Variants in FAT3 observed in about 807,000 individuals in gnomAD.
The protein encoded by FAT3 is protocadherin Fat 3.
Under a neutral mutation model 310.2 loss-of-function variants are expected in FAT3, and 95 were observed. That is an observed-to-expected ratio of 0.31 (90% CI 0.26 to 0.36). The LOEUF is 0.36. Ranked by LOEUF, FAT3 falls within the 10% of genes least tolerant of loss-of-function variation. The probability of loss-of-function intolerance (pLI) is 1.00; values close to 1 mark genes in which losing one functional copy is unlikely to be tolerated. For synonymous variants in FAT3, 2,314 were observed against 2,192.9 expected, an observed-to-expected ratio of 1.06 and a Z score of -1.54; for missense variants, 5,408 against 5,715.6, an observed-to-expected ratio of 0.95 and a Z score of 1.74.
In FAT3 at chr11:92,355,382, G is replaced by A. The variant is rs780292970; in HGVS notation, c.3270G>A (p.Arg1090=). ...TCAGGGATGGCAGTGGTCTTGGAAG[G>A]TTCAGTATAGACGACGAGAGTGGTA... ...YSIRDGSGLG[R]FSIDDESGVI... The change falls in exon 2 of 28, where the codon AGG becomes AGA. Residue 1090 remains arginine, a synonymous_variant. Coordinates refer to ENST00000525166, the MANE Select transcript of FAT3 (RefSeq NM_001367949.2). 19 of 1,612,230 alleles carry A rather than the reference G, an allele frequency of 1.2e-5. 1 individual carries two copies. In the South Asian group the frequency reaches 2.1e-4, roughly 18 times the overall value.
In FAT3 at chr11:92,790,145, C is replaced by T; in HGVS notation, c.4538C>T (p.Pro1513Leu). 1 of 1,613,786 alleles carries T rather than the reference C, an allele frequency of 6.2e-7. No homozygotes were observed. The highest frequency in any genetic ancestry group is 8.5e-7 in the Non-Finnish European group (1 of 1,179,722). ...AGCATGAGAAAATTCCGGATTGACC[C>T]TAGCACTGGCGTGCTCTATACTGCC... ...SISMRKFRID[P>L]STGVLYTAER... Residue 1513 changes from proline (P) to leucine (L), a missense_variant, in exon 8 of 28, where the codon CCT (proline) becomes CTT (leucine). By Grantham distance (98) the Pro-to-Leu change is moderately conservative. Around this residue, in one of 5 missense-constraint regions of FAT3, gnomAD observed 4,588 missense variants for 4,809.8 expected, o/e 0.95. Transcript: ENST00000525166.
chr11:92,740,565 A>T (rs1359285183), intron 4 of FAT3, among the ~76,000 whole-genome samples: 1 of 152,160 alleles, frequency 6.6e-6, no homozygotes, highest in African/African-American at 2.4e-5. Context: ...CTGGGAGTGG[A>T]GTGGAAGTTT....
At chr11:92,268,731 A>G (rs1001728111) in intron 1 of FAT3, among the ~76,000 whole-genome samples, 1 of 152,152 alleles carries the variant, frequency 6.6e-6, no homozygotes, top group Non-Finnish European at 1.5e-5. Context: ...GCATTCATGG[A>G]GATTGACTAA....
chr11:92,611,039 C>T (rs1055499876), intron 3 of FAT3, among the ~76,000 whole-genome samples: 1 of 152,100 alleles, frequency 6.6e-6, no homozygotes, highest in African/African-American at 2.4e-5. Flanking sequence ...TTTATTGTCT[C>T]TGATCTTCAA....
chr11:92,537,483 A>C (rs1054370641), intron 3 of FAT3, among the ~76,000 whole-genome samples: 6 of 152,126 alleles, frequency 3.9e-5, no homozygotes, highest in African/African-American at 1.4e-4. Context: ...ACTGACCCCC[A>C]GTCTTTCCCT....
intron 2 of FAT3, among the ~76,000 whole-genome samples, chr11:92,374,232 G>T (rs561541792): frequency 6.6e-6 from 1 of 152,222 alleles, no homozygotes; most frequent in Admixed American, 6.5e-5. Context: ...ACCTATCTGG[G>T]TATCTCTTAA....
At chr11:92,610,895 C>A (rs1307081683) in intron 3 of FAT3, among the ~76,000 whole-genome samples, 1 of 152,084 alleles carries the variant, frequency 6.6e-6, no homozygotes, top group African/African-American at 2.4e-5. Context: ...TCTGCCTCCT[C>A]CCTGTGAGAT....
intron 19 of FAT3, 99 bp from the exon 20 acceptor site, chr11:92,857,115 G>T: frequency 6.4e-7 from 1 of 1,568,054 alleles, no homozygotes. Context: ...CCCAGCTCTT[G>T]AGCCATTTGT....
At position 92,801,790 on chromosome 11, in the gene FAT3, A is replaced by C. The variant is rs762429677; in HGVS notation, c.8777A>C (p.Gln2926Pro). ...DINDNAPVFA[Q>P]EVYRGNVKES... ...AATGACAATGCACCAGTCTTCGCGCAGGAAGTGTACCGAGGGAATGTGAAG... is the reference window on the plus strand; with the variant it reads ...AATGACAATGCACCAGTCTTCGCGCCGGAAGTGTACCGAGGGAATGTGAAG... Residue 2926 changes from glutamine (Q) to proline (P), a missense_variant, in exon 10 of 28, where the codon CAG becomes CCG. Coordinates refer to ENST00000525166, the MANE Select transcript of FAT3 (RefSeq NM_001367949.2). 3.1e-6 allele frequency: 5 copies of C among 1,613,810 alleles called. No individual in the cohort carries two copies. Among genetic ancestry groups the C allele is most frequent in the Non-Finnish European group, 4.2e-6 (5 of 1,179,860 alleles).
intron 7 of FAT3, among the ~76,000 whole-genome samples, chr11:92,775,688 A>T (rs1178392383): frequency 6.6e-6 from 1 of 152,212 alleles, no homozygotes; most frequent in Non-Finnish European, 1.5e-5. Flanking sequence ...TGATCAGCAA[A>T]ATGAAATGCA....
At chr11:92,374,030 G>GGA (rs58680206) in intron 2 of FAT3, among the ~76,000 whole-genome samples, 30,655 of 142,036 alleles carry the variant, frequency 0.22, 3,297 homozygotes, top group East Asian at 0.39. Context: ...ACAGAGAGAG[G>GGA]GAGAGAGAGA....
chr11:92,675,345 A>G (rs762983961), intron 3 of FAT3, among the ~76,000 whole-genome samples: 2 of 152,234 alleles, frequency 1.3e-5, no homozygotes, highest in East Asian at 1.9e-4. Context: ...ACTTCACAGT[A>G]TAGGAGAAGG....
At chr11:92,564,578 A>G (rs1955360531) in intron 3 of FAT3, among the ~76,000 whole-genome samples, 2 of 152,088 alleles carry the variant, frequency 1.3e-5, no homozygotes, top group Non-Finnish European at 2.9e-5. Context: ...AATCAACAGA[A>G]TATACATTTT....
At chr11:92,570,166 T>C (rs943475715) in intron 3 of FAT3, among the ~76,000 whole-genome samples, 4 of 152,142 alleles carry the variant, frequency 2.6e-5, no homozygotes, top group Non-Finnish European at 4.4e-5. Context: ...AAAACTATAA[T>C]TGATTTAAGT....
intron 1 of FAT3, among the ~76,000 whole-genome samples, chr11:92,284,272 A>G (rs972523434): frequency 1.3e-5 from 2 of 151,992 alleles, no homozygotes; most frequent in Non-Finnish European, 2.9e-5. Flanking sequence ...GTAAAAGGGT[A>G]ACGCCTCCGA....
chr11:92,260,047 C>T (rs1382955388), intron 1 of FAT3, among the ~76,000 whole-genome samples: 1 of 152,160 alleles, frequency 6.6e-6, no homozygotes, highest in Non-Finnish European at 1.5e-5. Flanking sequence ...GAAAGTGAAG[C>T]TGAAGAGCTT....
Position 92,352,265 on chromosome 11 carries a change from C to G in FAT3, c.153C>G (p.Thr51=), listed in dbSNP as rs374102428. The part of the protein sequence containing the change: ...FHFTHSIYNA[T]VYENSAARTY... ...TCACACATTCCATTTATAATGCTAC[C>G]GTGTATGAGAACTCAGCAGCAAGGA... The change falls in exon 2 of 28, where the codon ACC becomes ACG. Residue 51 remains threonine, a synonymous_variant. Coordinates refer to ENST00000525166, the MANE Select transcript of FAT3 (RefSeq NM_001367949.2). 2 of 1,434,674 alleles carry G rather than the reference C, an allele frequency of 1.4e-6. No individual in the cohort carries two copies. Among genetic ancestry groups the G allele is most frequent in the Non-Finnish European group, 1.9e-6 (2 of 1,066,422 alleles). The allele number at this position is 1,434,674 out of a possible 1,614,324, so 88.9% of individuals were successfully genotyped here.
chr11:92,430,659 G>A lies in FAT3; in HGVS notation c.3292+75255G>A, dbSNP rs191153952. Among the ~76,000 whole-genome samples the A allele has an allele frequency of 3.4e-4, 51 of 151,762 alleles. No homozygotes were observed. The South Asian group carries it at 8.5e-3, about 25-fold the overall frequency. ...ATATCTCCTAATGCTATGCTTCCCC[G>A]CTCCCCCCACCCTACAACAGGCCCT... On this transcript the variant is annotated intron_variant, in intron 2 of 27. Coordinates refer to ENST00000525166, the MANE Select transcript of FAT3 (RefSeq NM_001367949.2).
rs758913947 is a variant in FAT3 at position 92,353,641 on chromosome 11, G to A, written c.1529G>A (p.Ser510Asn). The change falls in exon 2 of 28, where the codon AGT (serine) becomes AAT (asparagine). Residue 510 changes from serine to asparagine, a missense_variant. Ser to Asn is a conservative substitution (Grantham distance 46, BLOSUM62 1). Around this residue, in one of 5 missense-constraint regions of FAT3, gnomAD observed 4,588 missense variants for 4,809.8 expected, o/e 0.95. Coordinates refer to ENST00000525166, the MANE Select transcript of FAT3 (RefSeq NM_001367949.2). ...GGAGAAAATGGGTACATCACCTATA[G>A]TATCGCTAGCCTGAATTTGTTACCA... Reference protein sequence around the residue: ...DKGENGYITYSIASLNLLPFV... With the variant: ...DKGENGYITYNIASLNLLPFV... 19 of 1,613,768 alleles carry A rather than the reference G, an allele frequency of 1.2e-5. No individual in the cohort carries two copies. In the African/African-American group the frequency reaches 1.3e-4, roughly 11 times the overall value.
Sources: allele counts gnomAD v4.1 joint callset (sites outside exome capture counted in the v4.1 genomes callset), GRCh38; gene constraint gnomAD v4.1.1; regional missense constraint gnomAD v4.1.1; transcripts MANE v1.5; gene names NCBI Gene and HGNC (gene_info 2026-07-23, HGNC 2026-07-21).